TESC: variants seen among roughly 807,000 people sequenced by gnomAD.
TESC encodes the protein calcineurin B homologous protein 3.
A neutral mutation model predicts 31.0 loss-of-function variants in TESC; 19 were observed. The observed-to-expected ratio is 0.61, with a 90% CI of 0.43 to 0.90. The LOEUF (loss-of-function observed/expected upper bound fraction) is 0.90, where lower values mean the gene tolerates loss of function less well. TESC is among the 40% of genes least tolerant of loss of function. The probability of loss-of-function intolerance (pLI) is 0.00; values close to 1 mark genes in which losing one functional copy is unlikely to be tolerated. For synonymous variants in TESC, 109 were observed against 114.8 expected (o/e 0.95, Z 0.32); for missense variants, 248 against 303.8 (o/e 0.82, Z 1.36).
At chr12:117,085,318 A>G (rs987792385) in intron 1 of TESC, among the ~76,000 whole-genome samples, 2 of 152,192 alleles carry the variant, frequency 1.3e-5, no homozygotes, top group African/African-American at 4.8e-5. Context: ...TACAGAGGAC[A>G]CCAAGCCAGG....
intron 2 of TESC, among the ~76,000 whole-genome samples, chr12:117,073,528 G>C (rs1955006433): frequency 1.3e-5 from 2 of 152,176 alleles, no homozygotes; most frequent in Non-Finnish European, 2.9e-5. Context: ...CCTGTGTTTA[G>C]ACAAACAAGA....
chr12:117,070,173 G>C (rs765998585), intron 2 of TESC, among the ~76,000 whole-genome samples: 1 of 152,236 alleles, frequency 6.6e-6, no homozygotes, highest in Non-Finnish European at 1.5e-5. Context: ...GTTGAAGACC[G>C]GGCCTGGGGT....
At chr12:117,088,233 G>GT (rs1555233406) in intron 1 of TESC, among the ~76,000 whole-genome samples, 5 of 152,086 alleles carry the variant, frequency 3.3e-5, no homozygotes, top group Non-Finnish European at 7.4e-5. Context: ...ATGATGAAGG[G>GT]GGAAAAAAGC....
Position 117,075,268 on chromosome 12 carries a change from T to TA in TESC, c.128+2dup. On this transcript the variant is annotated splice_region_variant and intron_variant, in intron 2 of 7. Transcript: ENST00000335209. Reference sequence around the variant, plus strand: ...CAGCACCCAAACCCGCTGCCAATCTTACCGAATGGTAGGCTGATCTCCACT... The same window carrying TA: ...CAGCACCCAAACCCGCTGCCAATCTTAACCGAATGGTAGGCTGATCTCCACT... The TA allele has an allele frequency of 6.2e-7, 1 of 1,612,484 alleles. No homozygotes were observed. Among genetic ancestry groups the TA allele is most frequent in the Non-Finnish European group, 8.5e-7 (1 of 1,179,816 alleles).
chr12:117,088,818 C>T (rs1042793339), intron 1 of TESC, among the ~76,000 whole-genome samples: 5 of 152,172 alleles, frequency 3.3e-5, no homozygotes, highest in African/African-American at 1.2e-4. Flanking sequence ...AATGTAATGT[C>T]CAGCTAAATG....
At chr12:117,089,446 G>A (rs772500307) in intron 1 of TESC, among the ~76,000 whole-genome samples, 62 of 152,048 alleles carry the variant, frequency 4.1e-4, no homozygotes, top group Non-Finnish European at 1.5e-4. Context: ...CCATAAGGGA[G>A]AACAGCAGAC....
rs756764036 is a variant in TESC at position 117,075,272 on chromosome 12, G to A, written c.127C>T (p.Arg43Cys). The A allele has an allele frequency of 7.4e-6, 12 of 1,612,446 alleles. No individual in the cohort carries two copies. Among genetic ancestry groups the A allele is most frequent in the Middle Eastern group, 1.7e-4 (1 of 6,058 alleles). The change falls in exon 2 of 8, where the codon CGC (arginine) becomes TGC (cysteine). Residue 43 changes from arginine to cysteine, a missense_variant and splice_region_variant. Physicochemically the swap from Arg to Cys is radical, Grantham distance 180 (BLOSUM62 -3). Coordinates refer to ENST00000335209, the MANE Select transcript of TESC (RefSeq NM_017899.4). ...ACCCAAACCCGCTGCCAATCTTACC[G>A]AATGGTAGGCTGATCTCCACTCAGC... ...KQLSGDQPTI[R>C]KENFNNVPDL... is the part of the protein sequence containing the mutation.
At chr12:117,073,267 T>C (rs1955000061) in intron 2 of TESC, among the ~76,000 whole-genome samples, 1 of 152,174 alleles carries the variant, frequency 6.6e-6, no homozygotes, top group African/African-American at 2.4e-5. Flanking sequence ...GCCATGGCGA[T>C]TGGCTCAGAC....
At chr12:117,071,420 C>T (rs530162633) in intron 2 of TESC, among the ~76,000 whole-genome samples, 2 of 150,662 alleles carry the variant, frequency 1.3e-5, no homozygotes, top group South Asian at 4.3e-4. Context: ...GATGGGGCAC[C>T]CCCAGAAGGA....
intron 6 of TESC, among the ~76,000 whole-genome samples, chr12:117,042,926 G>T (rs1284567786): frequency 6.6e-6 from 1 of 152,118 alleles, no homozygotes; most frequent in African/African-American, 2.4e-5. Flanking sequence ...ACTGGTCAAG[G>T]TCATCGCCAA....
chr12:117,062,120 C>T (rs1442184917), intron 2 of TESC, among the ~76,000 whole-genome samples: 1 of 152,108 alleles, frequency 6.6e-6, no homozygotes, highest in East Asian at 1.9e-4. Context: ...CAGCAGCTAA[C>T]CTACGTACCC....
chr12:117,062,733 G>A lies in TESC; in HGVS notation c.129-5847C>T, dbSNP rs145799938. On this transcript the variant is annotated intron_variant, in intron 2 of 7. Coordinates refer to ENST00000335209, the MANE Select transcript of TESC (RefSeq NM_017899.4). ...ACAGGCTAACCTTTTCATTTCATCA[G>A]TTTCATGCTCCATCAATACTCGTGT... Among the ~76,000 whole-genome samples the A allele has an allele frequency of 2.4e-3, 361 of 152,312 alleles. 2 individuals carry two copies. Among genetic ancestry groups the A allele is most frequent in the African/African-American group, 8.1e-3 (335 of 41,556 alleles).
chr12:117,060,192 A>T (rs997309770), intron 2 of TESC, among the ~76,000 whole-genome samples: 2 of 152,124 alleles, frequency 1.3e-5, no homozygotes, highest in African/African-American at 4.8e-5. Flanking sequence ...ATAAGTCTTT[A>T]AAAAAACAAA....
chr12:117,044,552 A>G (rs1348527595), intron 6 of TESC, among the ~76,000 whole-genome samples: 1 of 152,214 alleles, frequency 6.6e-6, no homozygotes, highest in Non-Finnish European at 1.5e-5. Flanking sequence ...TGCCCAGTGA[A>G]GCAGTCCCCC....
intron 3 of TESC, among the ~76,000 whole-genome samples, chr12:117,054,595 A>G (rs2135758050): frequency 6.6e-6 from 1 of 152,140 alleles, no homozygotes; most frequent in Admixed American, 6.5e-5. Context: ...GCCACAGAGG[A>G]AGGCCCCTGC....
At chr12:117,058,575 A>C (rs1365177516) in intron 2 of TESC, among the ~76,000 whole-genome samples, 1 of 151,268 alleles carries the variant, frequency 6.6e-6, no homozygotes, top group Non-Finnish European at 1.5e-5. Context: ...TAAAAAAAAA[A>C]AAAAAAAAAG....
At chr12:117,075,904 T>C (rs1955059676) in intron 1 of TESC, among the ~76,000 whole-genome samples, 1 of 91,358 alleles carries the variant, frequency 1.1e-5, no homozygotes. Context: ...TATATATATA[T>C]ATATATATAT....
chr12:117,039,235 G>C, intron 7 of TESC, 25 bp from the exon 8 acceptor site: 1 of 1,605,916 alleles, frequency 6.2e-7, no homozygotes, highest in Non-Finnish European at 8.5e-7. Flanking sequence ...GCAGCGTTAA[G>C]GGCACGTTCC....
At chr12:117,059,973 G>A (rs970926389) in intron 2 of TESC, among the ~76,000 whole-genome samples, 1 of 152,128 alleles carries the variant, frequency 6.6e-6, no homozygotes, top group African/African-American at 2.4e-5. Flanking sequence ...GACACAAATG[G>A]TGTACGATGC....
Sources: gnomAD v4.1 joint callset for allele counts (sites outside exome capture counted in the v4.1 genomes callset) on GRCh38, gnomAD v4.1.1 for gene constraint, MANE v1.5 for transcripts, NCBI Gene and HGNC (gene_info 2026-07-23, HGNC 2026-07-21) for gene names.